USP42: variants seen among roughly 807,000 people sequenced by gnomAD.
The protein encoded by USP42 is ubiquitin specific peptidase 42.
In USP42, 23 loss-of-function variants were observed where a neutral mutation model predicts 113.0. The ratio of observed to expected loss-of-function variants is 0.20; its 90% CI spans 0.15 to 0.29. USP42 has a LOEUF of 0.29. Ranked by LOEUF, USP42 falls within the 10% of genes least tolerant of loss-of-function variation. The pLI is 1.00. For synonymous variants in USP42, 933 were observed against 699.0 expected (o/e 1.33, Z -5.28); for missense variants, 2,174 against 1,779.8 (o/e 1.22, Z -3.99).
At chr7:6,099,728 C>T in the USP42 span, among the ~76,000 whole-genome samples, 4 of 150,334 alleles carry the variant, frequency 2.7e-5, no homozygotes, top group African/African-American at 5.0e-5. Context: ...TTTGGGAGGC[C>T]AAGGCAGGGA....
At chr7:6,111,803 CGG>C (rs1779613087) in intron 2 of USP42, 1 of 150,398 alleles carries the variant, frequency 6.6e-6, no homozygotes. Flanking sequence ...TTAGTAGAGA[CGG>C]GGGTTCACCA....
In USP42 at chr7:6,158,977, C is replaced by G. The variant is rs1782617141; in HGVS notation, c.3944-473C>G. 6.6e-6 allele frequency among the ~76,000 whole-genome samples: 1 copy of G among 152,124 alleles called. No homozygotes were observed. The highest frequency in any genetic ancestry group is 1.5e-5 in the Non-Finnish European group (1 of 68,012). On this transcript the variant is annotated intron_variant, in intron 16 of 17. Transcript: ENST00000306177. This position sits in a 1 kb window ranked among gnomAD's most constrained non-coding sequence, Gnocchi z 4.2. ...GTGGCCCTGTGTTTCCGTCCCCGTC[C>G]CACTGCACCGATGACAGGGTTTGCA...
upstream of USP42, among the ~76,000 whole-genome samples, chr7:6,102,021 C>T (rs1241624103): frequency 2.0e-5 from 3 of 149,888 alleles, no homozygotes; most frequent in Non-Finnish European, 4.4e-5. Context: ...TGCAGTGAGC[C>T]GAGACTGTTC....
At chr7:6,135,709 A>T in intron 3 of USP42, 132 bp from the exon 4 acceptor site, 1 of 392,076 alleles carries the variant, frequency 2.6e-6, no homozygotes, top group Non-Finnish European at 4.6e-6. Flanking sequence ...AATGCATAAA[A>T]GTAGATAGCT....
intron 1 of USP42, among the ~76,000 whole-genome samples, chr7:6,107,912 C>T (rs1029700001): frequency 5.9e-5 from 9 of 152,128 alleles, no homozygotes; most frequent in African/African-American, 9.7e-5. Context: ...AACATCTTTT[C>T]TATTTCTACT....
rs550444398 is a variant in USP42 at position 6,154,350 on chromosome 7, C to A, written c.2796C>A (p.Ala932=). 11 of 1,573,534 alleles carry A rather than the reference C, an allele frequency of 7.0e-6. No individual in the cohort carries two copies. The Admixed American group carries it at 1.5e-4, about 21-fold the overall frequency. ...TCGAGGACGCCGCGGCGCCGAAAGCCCCAGGCCCTTCCCCAGCGAAGGAGA... is the reference window on the plus strand; with the variant it reads ...TCGAGGACGCCGCGGCGCCGAAAGCACCAGGCCCTTCCCCAGCGAAGGAGA... The part of the protein sequence containing the change: ...ERVEDAAAPK[A]PGPSPAKEKI... Residue 932 remains alanine (A), a synonymous_variant, in exon 15 of 18, where the codon GCC becomes GCA. Transcript: ENST00000306177.
Position 6,153,814 on chromosome 7 carries a change from A to G in USP42, c.2260A>G (p.Ser754Gly), listed in dbSNP as rs1381959349. 1 of 1,527,124 alleles carries G rather than the reference A, an allele frequency of 6.5e-7. No homozygotes were observed. The allele number at this position is 1,527,124 out of a possible 1,614,324, so 94.6% of individuals were successfully genotyped here. A position where few individuals can be genotyped will look rare whatever the true frequency, so the allele number is the denominator to read the frequency against. Residue 754 changes from serine to glycine, a missense_variant, in exon 15 of 18, where the codon AGC (serine) becomes GGC (glycine). Transcript: ENST00000306177. ...EDRDAEPQPG[S>G]PAAESLEEPD... ...CCGCGACGCCGAGCCTCAGCCTGGC[A>G]GCCCCGCCGCCGAATCCCTGGAGGA...
At position 6,154,191 on chromosome 7, in the gene USP42, C is replaced by T. The variant is rs1417239363; in HGVS notation, c.2637C>T (p.His879=). The T allele has an allele frequency of 1.2e-5, 19 of 1,601,150 alleles. No homozygotes were observed. The highest frequency in any genetic ancestry group is 1.5e-5 in the Non-Finnish European group (18 of 1,176,086). ...QPLLVHPSGD[H]ARDAQDPSQS... The stretch of plus-strand genomic sequence containing the variant: ...TCCTTGTTCACCCCAGCGGGGACCA[C>T]GCCCGGGACGCTCAGGACCCATCCC... The change falls in exon 15 of 18, where the codon CAC becomes CAT. Residue 879 remains histidine, a synonymous_variant. Transcript: ENST00000306177.
chr7:6,103,004 T>C (rs576201917), upstream of USP42, among the ~76,000 whole-genome samples: 4 of 150,636 alleles, frequency 2.7e-5, no homozygotes, highest in Admixed American at 2.6e-4. Flanking sequence ...CATGAGTTGG[T>C]GTAAAGGGTT....
chr7:6,149,996 C>T lies in USP42; in HGVS notation c.1800C>T (p.Asn600=), dbSNP rs745421722. Residue 600 remains asparagine (N), a synonymous_variant, in exon 13 of 18, where the codon AAC becomes AAT. Coordinates refer to ENST00000306177, the MANE Select transcript of USP42 (RefSeq NM_032172.3). Reference sequence around the variant, plus strand: ...TGATGAATGGCAAATCCAAGCTGAACTCCAGCGTGCTGGTGCCCTATGGCG... The same window carrying T: ...TGATGAATGGCAAATCCAAGCTGAATTCCAGCGTGCTGGTGCCCTATGGCG... ...QPVMNGKSKL[N]SSVLVPYGAE... is the part of the protein sequence containing the mutation. 1 of 1,613,682 alleles carries T rather than the reference C, an allele frequency of 6.2e-7. No individual in the cohort carries two copies. Among genetic ancestry groups the T allele is most frequent in the South Asian group, 1.1e-5 (1 of 91,030 alleles).
In USP42 at chr7:6,111,364, A is replaced by G. The variant is rs747103141; in HGVS notation, c.231A>G (p.Gln77=). The change falls in exon 2 of 18, where the codon CAA becomes CAG. Residue 77 remains glutamine (Q), a synonymous_variant. Transcript: ENST00000306177. ...SVPDKSKPSP[Q]KDQALGDGIA... is the part of the protein sequence containing the mutation. The stretch of plus-strand genomic sequence containing the variant: ...CTGATAAATCAAAACCATCACCACA[A>G]AAGGATCAAGGTACTGTTTTTCAAA... The G allele has an allele frequency of 1.5e-5, 24 of 1,611,850 alleles. No individual in the cohort carries two copies. The highest frequency in any genetic ancestry group is 1.1e-4 in the East Asian group (5 of 44,842).
At chr7:6,091,600 C>A in the USP42 span, among the ~76,000 whole-genome samples, 1 of 150,054 alleles carries the variant, frequency 6.7e-6, no homozygotes, top group Non-Finnish European at 1.5e-5. Flanking sequence ...GATTCTCATT[C>A]TCACCCCCAT....
rs528075408 is a variant in USP42, at chr7:6,160,533, C to T, written c.*37-22C>T. On this transcript the variant is annotated intron_variant, in intron 17 of 17. Coordinates refer to ENST00000306177, the MANE Select transcript of USP42 (RefSeq NM_032172.3). ...CCGCCGCCTGCCTCCAACTCACTAA[C>T]CCTGCGCCTCTTGTCTTTCAGATTC... The T allele has an allele frequency of 1.4e-4, 22 of 152,824 alleles. No homozygotes were observed. The East Asian group carries it at 3.3e-3, about 23-fold the overall frequency. The allele number at this position is 152,824 out of a possible 1,614,324, so 9.5% of individuals were successfully genotyped here. A position where few individuals can be genotyped will look rare whatever the true frequency, so the allele number is the denominator to read the frequency against.
At chr7:6,107,030 A>G (rs1362733307) in intron 1 of USP42, among the ~76,000 whole-genome samples, 1 of 152,250 alleles carries the variant, frequency 6.6e-6, no homozygotes, top group East Asian at 1.9e-4. Context: ...AGCTTCAAGA[A>G]AGGTTATGTG....
In USP42 at chr7:6,154,667, C is replaced by G. The variant is rs747473136; in HGVS notation, c.3113C>G (p.Thr1038Ser). Residue 1038 changes from threonine to serine, a missense_variant, in exon 15 of 18, where the codon ACC becomes AGC. Transcript: ENST00000306177. ...VELDWVRHHY[T>S]EGERGWGREK... is the part of the protein sequence containing the mutation. Reference sequence around the variant, plus strand: ...CTGGACTGGGTCAGACACCACTACACCGAGGGCGAGCGTGGCTGGGGCCGG... The same window carrying G: ...CTGGACTGGGTCAGACACCACTACAGCGAGGGCGAGCGTGGCTGGGGCCGG... The G allele has an allele frequency of 1.9e-5, 31 of 1,605,904 alleles. No homozygotes were observed. Among genetic ancestry groups the G allele is most frequent in the Middle Eastern group, 1.6e-4 (1 of 6,066 alleles).
intron 15 of USP42, among the ~76,000 whole-genome samples, chr7:6,155,571 AGTTATGTTTTCATATCT>A (rs1420329592): frequency 6.6e-6 from 1 of 152,144 alleles, no homozygotes; most frequent in Non-Finnish European, 1.5e-5. Context: ...TGTCAGATGT[AGTTATGTTTTCATATCT>A]GTTATATTTT....
At chr7:6,095,549 A>G in the USP42 span, among the ~76,000 whole-genome samples, 3 of 150,898 alleles carry the variant, frequency 2.0e-5, no homozygotes, top group East Asian at 5.8e-4. Flanking sequence ...GGCACCTGTA[A>G]TCCCAGCTAC....
In USP42 at chr7:6,156,940, C is replaced by T; in HGVS notation, c.3828C>T (p.Gly1276=). 2 of 1,613,878 alleles carry T rather than the reference C, an allele frequency of 1.2e-6. No individual in the cohort carries two copies. Among genetic ancestry groups the T allele is most frequent in the Non-Finnish European group, 1.7e-6 (2 of 1,179,834 alleles). ...CCCAGTTCCGGAGAGCCCAGGGTGG[C>T]TTTCCTCTCTCTGGTGGCCCGCCTC... ...TVAQFRRAQG[G]FPLSGGPPLE... Residue 1276 remains glycine (G), a synonymous_variant, in exon 16 of 18, where the codon GGC becomes GGT. Transcript: ENST00000306177.
rs1160726366 is a variant in USP42 at position 6,156,745 on chromosome 7, C to T, written c.3642-9C>T. 6.6e-7 allele frequency: 1 copy of T among 1,525,552 alleles called. No individual in the cohort carries two copies. The highest frequency in any genetic ancestry group is 8.8e-7 in the Non-Finnish European group (1 of 1,141,272). 94.5% of individuals were successfully genotyped at this position (1,525,552 alleles called of 1,614,324 possible). ...TTAGGGTTTTGAATTCTGGCTTTTC[C>T]TTCTGCAGGCATCAGCAGGACTCAG... On this transcript the variant is annotated splice_polypyrimidine_tract_variant and intron_variant, in intron 15 of 17. Coordinates refer to ENST00000306177, the MANE Select transcript of USP42 (RefSeq NM_032172.3).
Sources: gnomAD v4.1 joint callset for allele counts (sites outside exome capture counted in the v4.1 genomes callset) on GRCh38, gnomAD v4.1.1 for gene constraint, Gnocchi (gnomAD v3.1) non-coding constraint, MANE v1.5 for transcripts, NCBI Gene and HGNC (gene_info 2026-07-23, HGNC 2026-07-21) for gene names.